Variants in STXBP6 observed in about 807,000 individuals in gnomAD.
STXBP6 encodes the protein syntaxin binding protein 6.
A neutral mutation model predicts 26.9 loss-of-function variants in STXBP6; 21 were observed. The ratio of observed to expected loss-of-function variants is 0.78; its 90% CI spans 0.55 to 1.12. The LOEUF (loss-of-function observed/expected upper bound fraction) is 1.12. STXBP6 is among the 50% of genes most tolerant of loss of function. The pLI is 0.00. For missense variants in STXBP6, 232 were observed against 257.9 expected (o/e 0.90, Z 0.69); for synonymous variants, 97 against 92.6 (o/e 1.05, Z -0.27).
At chr14:24,970,477 T>C (rs539149348) in intron 2 of STXBP6, among the ~76,000 whole-genome samples, 116 of 152,300 alleles carry the variant, frequency 7.6e-4, no homozygotes, top group Non-Finnish European at 1.0e-4. Flanking sequence ...TAGAATCACA[T>C]AGTATATTGA....
At chr14:24,898,913 G>T (rs1221945391) in intron 2 of STXBP6, among the ~76,000 whole-genome samples, 1 of 152,168 alleles carries the variant, frequency 6.6e-6, no homozygotes, top group Non-Finnish European at 1.5e-5. Flanking sequence ...ATAGAAGGAA[G>T]AATTTCTATA....
At chr14:24,907,063 CA>C (rs1203870839) in intron 2 of STXBP6, among the ~76,000 whole-genome samples, 1 of 151,796 alleles carries the variant, frequency 6.6e-6, no homozygotes, top group Admixed American at 6.6e-5. Flanking sequence ...GTTATGAGTA[CA>C]AAAATACAGT....
chr14:24,976,729 A>G (rs182620229), intron 1 of STXBP6, among the ~76,000 whole-genome samples: 132 of 152,250 alleles, frequency 8.7e-4, no homozygotes, highest in African/African-American at 2.9e-3. Flanking sequence ...TCTAGCTCCA[A>G]GGCCACTTGC....
At chr14:24,957,336 G>A (rs147321521) in intron 2 of STXBP6, among the ~76,000 whole-genome samples, 162 of 152,226 alleles carry the variant, frequency 1.1e-3, no homozygotes, top group African/African-American at 2.9e-3. Context: ...AGAAAAAATC[G>A]GAAAATTTCC....
intron 1 of STXBP6, among the ~76,000 whole-genome samples, chr14:25,015,595 G>A (rs2075131294): frequency 6.6e-6 from 1 of 152,010 alleles, no homozygotes; most frequent in African/African-American, 2.4e-5. Context: ...GAATCCCGGA[G>A]CAAGTTTCAA....
At chr14:24,969,962 C>G (rs1459229011) in intron 2 of STXBP6, among the ~76,000 whole-genome samples, 1 of 152,166 alleles carries the variant, frequency 6.6e-6, no homozygotes, top group Non-Finnish European at 1.5e-5. Context: ...TCAATTTCGG[C>G]CGGGTGTGGT....
intron 5 of STXBP6, 148 bp from the exon 6 acceptor site, chr14:24,812,880 T>C: frequency 1.4e-6 from 1 of 728,852 alleles, no homozygotes; most frequent in Non-Finnish European, 2.4e-6. Context: ...CTAATTACAG[T>C]AGCACCTTTA....
intron 1 of STXBP6, among the ~76,000 whole-genome samples, chr14:25,000,398 C>T (rs1411851507): frequency 6.7e-6 from 1 of 150,076 alleles, no homozygotes; most frequent in African/African-American, 2.5e-5. Context: ...CTGGGTTAGG[C>T]TCTGGCAGTT....
At chr14:24,915,151 G>C (rs2071717350) in intron 2 of STXBP6, among the ~76,000 whole-genome samples, 1 of 152,126 alleles carries the variant, frequency 6.6e-6, no homozygotes, top group Non-Finnish European at 1.5e-5. Flanking sequence ...TGTGCTCTCA[G>C]TATTCATGTA....
At chr14:24,959,312 C>A (rs1168739964) in intron 2 of STXBP6, among the ~76,000 whole-genome samples, 2 of 152,058 alleles carry the variant, frequency 1.3e-5, no homozygotes, top group Non-Finnish European at 2.9e-5. Context: ...AGTGGCCAAG[C>A]ATGGTGGTTT....
At chr14:24,944,091 CAAG>C (rs2072897629) in intron 2 of STXBP6, among the ~76,000 whole-genome samples, 2 of 152,206 alleles carry the variant, frequency 1.3e-5, no homozygotes, top group Non-Finnish European at 2.9e-5. Context: ...GCATCCTCCA[CAAG>C]AAGAGGCTCA....
Position 25,045,006 on chromosome 14 carries a change from A to C in STXBP6, c.-33+4872T>G, listed in dbSNP as rs2075703724. Among the ~76,000 whole-genome samples the C allele has an allele frequency of 2.6e-5, 4 of 152,352 alleles. No homozygotes were observed. In the South Asian group the frequency reaches 8.3e-4, roughly 32 times the overall value. On this transcript the variant is annotated intron_variant, in intron 1 of 5. Coordinates refer to ENST00000323944, the MANE Select transcript of STXBP6 (RefSeq NM_001394410.1). ...TGTTCTTCTCTACTCTGAAATAAAA[A>C]ATAAGTAACCACTTATAGAGTTAAT...
rs536286903 is a variant in STXBP6 at position 24,856,172 on chromosome 14, A to G, written c.286-71T>C. 186 of 1,425,706 alleles carry G rather than the reference A, an allele frequency of 1.3e-4. 1 individual carries two copies. In the Middle Eastern group the frequency reaches 2.4e-3, roughly 18 times the overall value. 88.3% of individuals were successfully genotyped at this position (1,425,706 alleles called of 1,614,324 possible). A position where few individuals can be genotyped will look rare whatever the true frequency, so the allele number is the denominator to read the frequency against. Reference sequence around the variant, plus strand: ...TGCTGTTTCTAGATTACTCCTGTCAAAAGATTTATAAGGGCTAAAACAAAG... The same window carrying G: ...TGCTGTTTCTAGATTACTCCTGTCAGAAGATTTATAAGGGCTAAAACAAAG... On this transcript the variant is annotated intron_variant, in intron 3 of 5. Transcript: ENST00000323944.
intron 4 of STXBP6, among the ~76,000 whole-genome samples, chr14:24,820,615 G>A (rs534490760): frequency 3.3e-5 from 5 of 152,262 alleles, no homozygotes; most frequent in African/African-American, 1.2e-4. Flanking sequence ...AGATTTAGGA[G>A]GAGAAATCTT....
intron 2 of STXBP6, among the ~76,000 whole-genome samples, chr14:24,945,648 AT>A (rs2072962639): frequency 6.6e-6 from 1 of 152,182 alleles, no homozygotes; most frequent in Non-Finnish European, 1.5e-5. Context: ...CAATATGCTC[AT>A]AAACAGATAG....
intron 1 of STXBP6, among the ~76,000 whole-genome samples, chr14:25,015,310 A>C (rs1455233961): frequency 6.6e-6 from 1 of 152,146 alleles, no homozygotes; most frequent in East Asian, 1.9e-4. Context: ...CTGGAGACAG[A>C]GATATCTGGG....
chr14:24,868,369 A>G (rs1363255315), intron 2 of STXBP6, among the ~76,000 whole-genome samples: 2 of 152,190 alleles, frequency 1.3e-5, no homozygotes, highest in African/African-American at 2.4e-5. Flanking sequence ...GTCATTAGGG[A>G]GAAGCAAATT....
intron 2 of STXBP6, among the ~76,000 whole-genome samples, chr14:24,892,101 T>A (rs777789811): frequency 1.9e-4 from 29 of 152,334 alleles, no homozygotes; most frequent in South Asian, 4.1e-4. Context: ...CCAACACATG[T>A]ACACATTAGG....
intron 1 of STXBP6, among the ~76,000 whole-genome samples, chr14:25,039,496 C>T (rs2075607311): frequency 2.6e-5 from 4 of 152,200 alleles, no homozygotes; most frequent in African/African-American, 9.6e-5. Flanking sequence ...GTGCATATCT[C>T]TCTGGATATC....
Sources: allele counts gnomAD v4.1 joint callset (sites outside exome capture counted in the v4.1 genomes callset), GRCh38; gene constraint gnomAD v4.1.1; transcripts MANE v1.5; gene names NCBI Gene and HGNC (gene_info 2026-07-23, HGNC 2026-07-21).